AVL9: variants seen among roughly 807,000 people sequenced by gnomAD.
AVL9 encodes the protein late secretory pathway protein AVL9 homolog.
Under a neutral mutation model 79.2 loss-of-function variants are expected in AVL9, and 49 were observed. That is an observed-to-expected ratio of 0.62 (90% confidence interval 0.49 to 0.79). The LOEUF (loss-of-function observed/expected upper bound fraction) is 0.79, where lower values mean the gene tolerates loss of function less well. AVL9 is among the 30% of genes least tolerant of loss of function. The probability of loss-of-function intolerance (pLI) is 0.00; values close to 1 mark genes in which losing one functional copy is unlikely to be tolerated. For missense variants in AVL9, 682 were observed against 776.8 expected, an observed-to-expected ratio of 0.88 and a Z score of 1.45; for synonymous variants, 299 against 280.6, an observed-to-expected ratio of 1.07 and a Z score of -0.65.
At chr7:32,554,967 A>G (rs2128139887) in intron 8 of AVL9, among the ~76,000 whole-genome samples, 1 of 152,246 alleles carries the variant, frequency 6.6e-6, no homozygotes. Flanking sequence ...AGTATAGGGA[A>G]CTGCCGACAG....
At chr7:32,528,748 C>G (rs1236605027) in intron 1 of AVL9, among the ~76,000 whole-genome samples, 3 of 152,184 alleles carry the variant, frequency 2.0e-5, no homozygotes, top group African/African-American at 7.2e-5. Flanking sequence ...CAGTGGCTCA[C>G]GCCTGTAATC....
intron 3 of AVL9, among the ~76,000 whole-genome samples, 169 bp downstream of exon 3, chr7:32,544,948 A>C (rs1399545299): frequency 6.6e-6 from 1 of 152,194 alleles, no homozygotes; most frequent in Non-Finnish European, 1.5e-5. Flanking sequence ...ACATTTTATT[A>C]AGTTGACATT....
chr7:32,531,278 G>A (rs1788634660), intron 1 of AVL9, among the ~76,000 whole-genome samples: 1 of 151,928 alleles, frequency 6.6e-6, no homozygotes, highest in Non-Finnish European at 1.5e-5. Context: ...AATGACTTCT[G>A]GGTCTGCTAA....
At chr7:32,523,150 C>CAAAAA (rs59565422) in intron 1 of AVL9, among the ~76,000 whole-genome samples, 2 of 81,278 alleles carry the variant, frequency 2.5e-5, no homozygotes, top group East Asian at 3.5e-4. Flanking sequence ...GGTAATTAAC[C>CAAAAA]AAAAAAAAAA....
chr7:32,512,323 T>C (rs945191461), intron 1 of AVL9, among the ~76,000 whole-genome samples: 1 of 152,202 alleles, frequency 6.6e-6, no homozygotes, highest in Non-Finnish European at 1.5e-5. Flanking sequence ...CCTAGTCTCT[T>C]TTCCTTACTA....
At chr7:32,569,243 G>A (rs1215008124) in intron 10 of AVL9, among the ~76,000 whole-genome samples, 1 of 152,188 alleles carries the variant, frequency 6.6e-6, no homozygotes, top group Non-Finnish European at 1.5e-5. Flanking sequence ...CTTCCTGGCT[G>A]TATATACAAG....
intron 1 of AVL9, among the ~76,000 whole-genome samples, chr7:32,527,824 C>A (rs1169940572): frequency 6.6e-6 from 1 of 152,118 alleles, no homozygotes; most frequent in Non-Finnish European, 1.5e-5. Context: ...GTTCCACCCA[C>A]CCACCCACCT....
intron 10 of AVL9, among the ~76,000 whole-genome samples, chr7:32,565,610 TA>T (rs1385546373): frequency 1.3e-5 from 2 of 151,024 alleles, no homozygotes; most frequent in Non-Finnish European, 2.9e-5. Context: ...TATTGTCGAT[TA>T]AAAAACTTTA....
At chr7:32,551,277 A>AT in intron 4 of AVL9, 57 bp from the exon 5 acceptor site, 2 of 1,173,802 alleles carry the variant, frequency 1.7e-6, no homozygotes, top group Non-Finnish European at 2.5e-6. Context: ...TTATCAACCA[A>AT]TTTTACTGTT....
In AVL9 at chr7:32,573,216, C is replaced by T; in HGVS notation, c.1368C>T (p.Ile456=). ...DAIVEVEEAL[I]QIHDPELRKL... is the part of the protein sequence containing the mutation. ...CCCTCTAGGTAGAAGAAGCTCTGAT[C>T]CAGATCCATGATCCAGAACTCAGGA... The change falls in exon 12 of 16, where the codon ATC becomes ATT. Residue 456 remains isoleucine, a synonymous_variant. Transcript: ENST00000318709. 1 of 1,613,962 alleles carries T rather than the reference C, an allele frequency of 6.2e-7. No homozygotes were observed. Among genetic ancestry groups the T allele is most frequent in the South Asian group, 1.1e-5 (1 of 91,086 alleles).
chr7:32,496,868 A>T (rs1174623507), intron 1 of AVL9, among the ~76,000 whole-genome samples: 1 of 152,254 alleles, frequency 6.6e-6, no homozygotes, highest in African/African-American at 2.4e-5. Context: ...TTAGAGACTG[A>T]TATGAAAGGC....
rs1365470901 is a variant in AVL9 at position 32,495,597 on chromosome 7, CAT to C, written c.-112_-111del. 3 of 604,200 alleles carry C rather than the reference CAT, an allele frequency of 5.0e-6. No individual in the cohort carries two copies. The African/African-American group carries it at 5.8e-5, about 12-fold the overall frequency. 37.4% of individuals were successfully genotyped at this position (604,200 alleles called of 1,614,324 possible). A position where few individuals can be genotyped will look rare whatever the true frequency, so the allele number is the denominator to read the frequency against. On this transcript the variant is annotated 5_prime_UTR_variant, in exon 1 of 16. The change abolishes an upstream ATG in the 5' untranslated region. Coordinates refer to ENST00000318709, the MANE Select transcript of AVL9 (RefSeq NM_015060.3). ...TCCACCGATCTCCCTGTGCGGCCCTCATGTGCTGTGCTCGCTGACACCCGAAG... is the reference window on the plus strand; with the variant it reads ...TCCACCGATCTCCCTGTGCGGCCCTCGTGCTGTGCTCGCTGACACCCGAAG...
chr7:32,555,817 T>C (rs1790030652), intron 8 of AVL9, among the ~76,000 whole-genome samples: 1 of 152,176 alleles, frequency 6.6e-6, no homozygotes, highest in Admixed American at 6.5e-5. Context: ...ATGCACAATA[T>C]CCACTTTAGT....
rs979194237 is a variant in AVL9 at position 32,586,181 on chromosome 7, C to T, written c.*2274C>T. On this transcript the variant is annotated 3_prime_UTR_variant, in exon 16 of 16. Transcript: ENST00000318709. Reference sequence around the variant, plus strand: ...ATGAAGTTTAACTTTGCTTTAATATCACTTGTTCCTCATTGAATATACACT... The same window carrying T: ...ATGAAGTTTAACTTTGCTTTAATATTACTTGTTCCTCATTGAATATACACT... 1 of 152,216 alleles carries T rather than the reference C, an allele frequency of 6.6e-6. No individual in the cohort carries two copies. Among genetic ancestry groups the T allele is most frequent in the East Asian group, 1.9e-4 (1 of 5,196 alleles). The allele number at this position is 152,216 out of a possible 1,614,324, so 9.4% of individuals were successfully genotyped here.
chr7:32,512,471 A>G (rs1787722144), intron 1 of AVL9, among the ~76,000 whole-genome samples: 1 of 152,214 alleles, frequency 6.6e-6, no homozygotes, highest in Non-Finnish European at 1.5e-5. Context: ...TGGGACTAGA[A>G]CTTGGCCAGA....
chr7:32,530,399 A>G (rs1788596884), intron 1 of AVL9, among the ~76,000 whole-genome samples: 1 of 152,232 alleles, frequency 6.6e-6, no homozygotes, highest in Admixed American at 6.5e-5. Flanking sequence ...ACATAAATCA[A>G]ATTCTATTAA....
At chr7:32,528,737 G>A (rs778273442) in intron 1 of AVL9, among the ~76,000 whole-genome samples, 5 of 152,180 alleles carry the variant, frequency 3.3e-5, no homozygotes, top group Admixed American at 6.6e-5. Flanking sequence ...ATAGGCCGGC[G>A]CAGTGGCTCA....
intron 1 of AVL9, among the ~76,000 whole-genome samples, chr7:32,503,369 T>TACACACAC (rs1237567459): frequency 0.022 from 2,234 of 101,284 alleles, 48 homozygotes; most frequent in East Asian, 0.043. Context: ...GAGATATATA[T>TACACACAC]ATATACACAC....
chr7:32,507,777 G>A (rs1292484378), intron 1 of AVL9, among the ~76,000 whole-genome samples: 1 of 152,170 alleles, frequency 6.6e-6, no homozygotes. Context: ...GGAATTGATG[G>A]ATTATAGGGA....
Sources: gnomAD v4.1 joint callset for allele counts (sites outside exome capture counted in the v4.1 genomes callset) on GRCh38, gnomAD v4.1.1 for gene constraint, MANE v1.5 for transcripts, NCBI Gene and HGNC (gene_info 2026-07-23, HGNC 2026-07-21) for gene names.